LCOR: variants seen among roughly 807,000 people sequenced by gnomAD.
LCOR encodes the protein ligand dependent nuclear receptor corepressor.
In LCOR, 14 loss-of-function variants were observed where a neutral mutation model predicts 64.4. The observed-to-expected ratio is 0.22, with a 90% CI of 0.14 to 0.34. LCOR has a LOEUF of 0.34. Among genes scored for constraint, LCOR ranks in the 10% least tolerant of loss-of-function variants. The probability of loss-of-function intolerance (pLI) is 1.00; values close to 1 mark genes in which losing one functional copy is unlikely to be tolerated. For synonymous variants in LCOR, 643 were observed against 642.5 expected (o/e 1.00, Z -0.01); for missense variants, 1,686 against 1,765.3 (o/e 0.96, Z 0.80).
At chr10:96,903,857 A>G (rs2134449311) in intron 2 of LCOR, among the ~76,000 whole-genome samples, 1 of 152,326 alleles carries the variant, frequency 6.6e-6, no homozygotes, top group East Asian at 1.9e-4. Context: ...TTGTTCCTAT[A>G]AGAGAAACAT....
intron 2 of LCOR, among the ~76,000 whole-genome samples, chr10:96,844,691 A>G (rs945763139): frequency 5.9e-5 from 9 of 152,076 alleles, no homozygotes; most frequent in African/African-American, 1.9e-4. Flanking sequence ...TATCTTGTTC[A>G]ACTGGCCATT....
chr10:96,846,022 C>T (rs1186322578), intron 2 of LCOR, among the ~76,000 whole-genome samples: 1 of 151,966 alleles, frequency 6.6e-6, no homozygotes, highest in Non-Finnish European at 1.5e-5. Context: ...GCCTGGCCAA[C>T]ATGGTAAAAC....
intron 2 of LCOR, among the ~76,000 whole-genome samples, chr10:96,853,465 A>G (rs1275166742): frequency 6.6e-6 from 1 of 152,246 alleles, no homozygotes; most frequent in Non-Finnish European, 1.5e-5. Flanking sequence ...ATCAATCACA[A>G]AACCTTAGTG....
intron 4 of LCOR, among the ~76,000 whole-genome samples, chr10:96,920,381 C>CAT (rs1356806016): frequency 7.6e-5 from 6 of 78,956 alleles, no homozygotes; most frequent in African/African-American, 2.3e-4. Context: ...GTTCTTCATT[C>CAT]ATATATATAT....
At chr10:96,913,546 A>G (rs1210131443) in intron 4 of LCOR, among the ~76,000 whole-genome samples, 1 of 152,206 alleles carries the variant, frequency 6.6e-6, no homozygotes, top group Non-Finnish European at 1.5e-5. Flanking sequence ...ATACCAAAAT[A>G]TAAAATTAGT....
Position 96,988,236 on chromosome 10 carries a change from A to G in LCOR, c.*3102A>G, listed in dbSNP as rs1306258893. 2.0e-5 allele frequency: 3 copies of G among 152,228 alleles called. No individual in the cohort carries two copies. The highest frequency in any genetic ancestry group is 2.9e-5 in the Non-Finnish European group (2 of 68,058). 9.4% of individuals were successfully genotyped at this position (152,228 alleles called of 1,614,324 possible). On this transcript the variant is annotated 3_prime_UTR_variant, in exon 8 of 8. Transcript: ENST00000421806. ...CCCCTAGCACTTCCTCAGACAGGTA[A>G]CAATCTTGCAGCACAGCAGGAAGGT... is the stretch of plus-strand genomic sequence containing the variant.
At chr10:96,902,660 T>C (rs954484396) in intron 2 of LCOR, among the ~76,000 whole-genome samples, 3 of 152,234 alleles carry the variant, frequency 2.0e-5, no homozygotes, top group African/African-American at 7.2e-5. Context: ...ACTTTGTGAC[T>C]GACTTCGTAT....
At chr10:96,932,523 G>A (rs553375510) in intron 4 of LCOR, among the ~76,000 whole-genome samples, 40 of 151,992 alleles carry the variant, frequency 2.6e-4, no homozygotes, top group Admixed American at 5.2e-4. Flanking sequence ...GAGTGCAGTG[G>A]TGCGATCTTG....
chr10:96,951,969 A>G (rs1847688161), intron 6 of LCOR, 134 bp from the exon 7 acceptor site: 1 of 600,322 alleles, frequency 1.7e-6, no homozygotes. Context: ...AATTGATTTT[A>G]TAACTCAAAT....
At chr10:96,953,597 A>G (rs970173901) in intron 7 of LCOR, among the ~76,000 whole-genome samples, 2 of 152,224 alleles carry the variant, frequency 1.3e-5, no homozygotes, top group African/African-American at 4.8e-5. Context: ...TGTGTAATTA[A>G]GGACACCTGT....
In LCOR at chr10:96,891,768, G is replaced by A. The variant is rs139584893; in HGVS notation, c.-329-15497G>A. ...CATGTTGGCCAGGCTAGTTGCGAAC[G>A]CCTGACCTCAGGTGATCACCTGCCT... On this transcript the variant is annotated intron_variant, in intron 2 of 7. Transcript: ENST00000421806. 1.2e-3 allele frequency among the ~76,000 whole-genome samples: 178 copies of A among 151,818 alleles called. 1 individual carries two copies. Among genetic ancestry groups the A allele is most frequent in the African/African-American group, 4.1e-3 (170 of 41,432 alleles).
chr10:96,884,979 G>A (rs998723368), intron 2 of LCOR, among the ~76,000 whole-genome samples: 9 of 152,108 alleles, frequency 5.9e-5, no homozygotes, highest in Admixed American at 3.9e-4. Context: ...GTGGGTATAC[G>A]TGTGCACTTA....
Position 96,984,655 on chromosome 10 carries a change from C to T in LCOR, c.4195C>T (p.Arg1399Cys), listed in dbSNP as rs781294363. 10 of 1,613,960 alleles carry T rather than the reference C, an allele frequency of 6.2e-6. No homozygotes were observed. The African/African-American group carries it at 8.0e-5, about 13-fold the overall frequency. ...ILPKAEVQSK[R>C]KRTEGSSPPD... ...GCCTAAAGCAGAAGTTCAGAGTAAA[C>T]GCAAGAGAACAGAAGGCAGCAGCCC... is the stretch of plus-strand genomic sequence containing the variant. The change falls in exon 8 of 8, where the codon CGC becomes TGC. Residue 1399 changes from arginine to cysteine, a missense_variant. Physicochemically the swap from Arg to Cys is radical, Grantham distance 180 (BLOSUM62 -3). Transcript: ENST00000421806.
rs1481131284 is a variant in LCOR at position 96,982,625 on chromosome 10, A to G, written c.2165A>G (p.Lys722Arg). The G allele has an allele frequency of 1.2e-6, 2 of 1,614,146 alleles. No individual in the cohort carries two copies. Among genetic ancestry groups the G allele is most frequent in the East Asian group, 2.2e-5 (1 of 44,884 alleles). Reference sequence around the variant, plus strand: ...TTGGAGCCCCCCATGAGTCTGGGAAAGGCTGAGGACAACCAAAGCATCAGT... The same window carrying G: ...TTGGAGCCCCCCATGAGTCTGGGAAGGGCTGAGGACAACCAAAGCATCAGT... ...MGLEPPMSLGKAEDNQSISAE... is the reference protein window; with the variant it reads ...MGLEPPMSLGRAEDNQSISAE... Residue 722 changes from lysine (K) to arginine (R), a missense_variant, in exon 8 of 8, where the codon AAG becomes AGG. By Grantham distance (26) the Lys-to-Arg change is conservative. Transcript: ENST00000421806.
chr10:96,975,450 T>C (rs115875737), intron 7 of LCOR, among the ~76,000 whole-genome samples: 8,311 of 151,984 alleles, frequency 0.055, 766 homozygotes, highest in African/African-American at 0.19. Flanking sequence ...TATCTTAATA[T>C]GTATAGTACA....
chr10:96,848,149 A>G (rs1056454494), intron 2 of LCOR, among the ~76,000 whole-genome samples: 1 of 152,216 alleles, frequency 6.6e-6, no homozygotes, highest in Non-Finnish European at 1.5e-5. Context: ...GATCAAATCA[A>G]CTATTTTGAG....
At chr10:96,873,295 G>A (rs1185733844) in intron 2 of LCOR, among the ~76,000 whole-genome samples, 1 of 151,666 alleles carries the variant, frequency 6.6e-6, no homozygotes, top group African/African-American at 2.4e-5. Context: ...CATTATGAGG[G>A]GAAAAAAACT....
chr10:96,928,642 T>C (rs945234429), intron 4 of LCOR, among the ~76,000 whole-genome samples: 1 of 152,174 alleles, frequency 6.6e-6, no homozygotes, highest in Non-Finnish European at 1.5e-5. Flanking sequence ...ATTTTGTTCT[T>C]CTCTCTTGAA....
At chr10:96,973,238 GCTT>G (rs1848013173) in intron 7 of LCOR, among the ~76,000 whole-genome samples, 1 of 152,186 alleles carries the variant, frequency 6.6e-6, no homozygotes, top group Non-Finnish European at 1.5e-5. Context: ...CCCTTTCACT[GCTT>G]CTCCTAAGCC....
Sources: allele counts gnomAD v4.1 joint callset (sites outside exome capture counted in the v4.1 genomes callset), GRCh38; gene constraint gnomAD v4.1.1; transcripts MANE v1.5; gene names NCBI Gene and HGNC (gene_info 2026-07-23, HGNC 2026-07-21).